Variants in ROBO1 observed in about 807,000 individuals in gnomAD.
ROBO1 encodes roundabout homolog 1.
A neutral mutation model predicts 195.9 loss-of-function variants in ROBO1; 149 were observed. That is an observed-to-expected ratio of 0.76 (90% CI 0.67 to 0.87). The LOEUF is 0.87. ROBO1 is among the 40% of genes least tolerant of loss of function. ROBO1 has a pLI of 0.00. For missense variants in ROBO1, 1,933 were observed against 2,068.3 expected (o/e 0.93, Z 1.27); for synonymous variants, 816 against 733.2 (o/e 1.11, Z -1.82).
At chr3:79,451,119 A>C (rs988928330) in intron 2 of ROBO1, among the ~76,000 whole-genome samples, 7 of 152,070 alleles carry the variant, frequency 4.6e-5, no homozygotes, top group Non-Finnish European at 1.0e-4. Flanking sequence ...ACTTAAAATG[A>C]ATAGCAGCCA....
chr3:79,406,422 T>C lies in ROBO1; in HGVS notation c.88+183402A>G, dbSNP rs143121928. Among the ~76,000 whole-genome samples, 6 of 151,576 alleles carry C rather than the reference T, an allele frequency of 4.0e-5. 1 individual carries two copies. The highest frequency in any genetic ancestry group is 6.8e-3 in the Middle Eastern group (2 of 294). On this transcript the variant is annotated intron_variant, in intron 2 of 30. Coordinates refer to ENST00000464233, the MANE Select transcript of ROBO1 (RefSeq NM_002941.4). ...CCCCAGACTGGGTGGCAGAGAGAGATTCTGTCTCAAAAAAAGATAATAATA... is the reference window on the plus strand; with the variant it reads ...CCCCAGACTGGGTGGCAGAGAGAGACTCTGTCTCAAAAAAAGATAATAATA...
chr3:79,095,650 T>A (rs144581516), intron 3 of ROBO1, among the ~76,000 whole-genome samples: 158 of 152,238 alleles, frequency 1.0e-3, no homozygotes, highest in African/African-American at 3.6e-3. Flanking sequence ...TAAATAATTG[T>A]TGTTTTAAGC....
At chr3:79,665,150 T>A (rs1028803443) in intron 1 of ROBO1, among the ~76,000 whole-genome samples, 1 of 151,844 alleles carries the variant, frequency 6.6e-6, no homozygotes. Flanking sequence ...TAATAACACA[T>A]CAGAGGACTA....
chr3:79,074,115 C>T (rs562927709), intron 3 of ROBO1, among the ~76,000 whole-genome samples: 2 of 151,702 alleles, frequency 1.3e-5, no homozygotes, highest in Admixed American at 6.6e-5. Context: ...AAAAAATAAA[C>T]ACAGAATTAT....
chr3:78,941,403 A>C (rs1411538730), intron 3 of ROBO1, among the ~76,000 whole-genome samples: 5 of 152,228 alleles, frequency 3.3e-5, no homozygotes, highest in Non-Finnish European at 7.3e-5. Context: ...CAGAAGATTA[A>C]GTATTGTAAT....
At chr3:79,333,077 C>T (rs972904925) in intron 2 of ROBO1, among the ~76,000 whole-genome samples, 1 of 151,856 alleles carries the variant, frequency 6.6e-6, no homozygotes, top group South Asian at 2.1e-4. Flanking sequence ...GTAGCATGCG[C>T]CTGTAGTCCC....
chr3:78,693,203 G>T, intron 8 of ROBO1: 1 of 1,056,594 alleles, frequency 9.5e-7, no homozygotes, highest in Non-Finnish European at 1.4e-6. Context: ...TTTATTCTGT[G>T]CAGTCTGTCT....
At chr3:79,211,100 C>T (rs772759611) in intron 2 of ROBO1, among the ~76,000 whole-genome samples, 19 of 151,922 alleles carry the variant, frequency 1.3e-4, no homozygotes, top group South Asian at 6.2e-4. Flanking sequence ...TGTTCTGCTA[C>T]GGGAGGTTGC....
chr3:79,503,944 T>C (rs1940255145), intron 2 of ROBO1, among the ~76,000 whole-genome samples: 1 of 152,180 alleles, frequency 6.6e-6, no homozygotes, highest in Non-Finnish European at 1.5e-5. Flanking sequence ...TCAGCCTTAC[T>C]TTACAAGGCA....
intron 2 of ROBO1, among the ~76,000 whole-genome samples, chr3:79,322,399 C>T (rs1178830920): frequency 1.3e-5 from 2 of 152,070 alleles, no homozygotes; most frequent in African/African-American, 4.8e-5. Context: ...AAATGAGAGG[C>T]AAGCAGCCCA....
intron 3 of ROBO1, among the ~76,000 whole-genome samples, chr3:78,993,220 T>C (rs1269921485): frequency 6.6e-6 from 1 of 152,184 alleles, no homozygotes; most frequent in Non-Finnish European, 1.5e-5. Flanking sequence ...ATGGATATGA[T>C]AAAAAGATTA....
chr3:78,944,848 G>A (rs1216570213), intron 3 of ROBO1, among the ~76,000 whole-genome samples: 1 of 152,132 alleles, frequency 6.6e-6, no homozygotes, highest in Non-Finnish European at 1.5e-5. Context: ...TTAAAAAACG[G>A]CACACCAGGA....
At chr3:78,629,615 G>A (rs552735252) in intron 25 of ROBO1, among the ~76,000 whole-genome samples, 2 of 152,162 alleles carry the variant, frequency 1.3e-5, no homozygotes, top group East Asian at 1.9e-4. Flanking sequence ...AGGATCACTC[G>A]AGCTCTGGGG....
intron 4 of ROBO1, among the ~76,000 whole-genome samples, chr3:78,879,873 T>C (rs975732419): frequency 6.6e-6 from 1 of 152,166 alleles, no homozygotes; most frequent in African/African-American, 2.4e-5. Context: ...AAGACTTGTA[T>C]CTAAAGTCTG....
intron 1 of ROBO1, among the ~76,000 whole-genome samples, chr3:79,600,773 A>T (rs1944316517): frequency 6.6e-6 from 1 of 152,004 alleles, no homozygotes; most frequent in African/African-American, 2.4e-5. Flanking sequence ...ATGAGGTTTT[A>T]AAAAAGTGCA....
chr3:79,031,637 C>G (rs1178845532), intron 3 of ROBO1, among the ~76,000 whole-genome samples: 1 of 152,176 alleles, frequency 6.6e-6, no homozygotes, highest in Admixed American at 6.5e-5. Flanking sequence ...TAATAGTTCT[C>G]CCCTTCTAGG....
Position 79,104,511 on chromosome 3 carries a change from C to G in ROBO1, c.172+20945G>C, listed in dbSNP as rs1043111294. On this transcript the variant is annotated intron_variant, in intron 3 of 30. Transcript: ENST00000464233. Reference sequence around the variant, plus strand: ...CTCTGTTCTTTAACAAGAGCAGACACCTGGTTTAGCACCTTCTGATTTTTT... The same window carrying G: ...CTCTGTTCTTTAACAAGAGCAGACAGCTGGTTTAGCACCTTCTGATTTTTT... 4.6e-5 allele frequency among the ~76,000 whole-genome samples: 7 copies of G among 151,666 alleles called. No homozygotes were observed. In the East Asian group the frequency reaches 1.2e-3, roughly 25 times the overall value.
chr3:79,489,834 A>T (rs900182468), intron 2 of ROBO1, among the ~76,000 whole-genome samples: 9 of 152,102 alleles, frequency 5.9e-5, no homozygotes, highest in African/African-American at 2.2e-4. Context: ...CATTTTCCCA[A>T]GTCAGCAATC....
At chr3:79,709,583 A>G (rs1702192767) in intron 1 of ROBO1, among the ~76,000 whole-genome samples, 1 of 152,196 alleles carries the variant, frequency 6.6e-6, no homozygotes, top group South Asian at 2.1e-4. Context: ...ACATATCTGA[A>G]GAGATATAAA....
Sources: allele counts gnomAD v4.1 joint callset (sites outside exome capture counted in the v4.1 genomes callset), GRCh38; gene constraint gnomAD v4.1.1; transcripts MANE v1.5; gene names NCBI Gene and HGNC (gene_info 2026-07-23, HGNC 2026-07-21).